RSU1: variants seen among roughly 807,000 people sequenced by gnomAD.
RSU1 encodes the protein rsu-1.
A neutral mutation model predicts 31.1 loss-of-function variants in RSU1; 26 were observed. That is an observed-to-expected ratio of 0.84 (90% CI 0.61 to 1.16). RSU1 has a LOEUF of 1.16. RSU1 is among the 50% of genes most tolerant of loss of function. The pLI is 0.00. For missense variants in RSU1, 320 were observed against 339.1 expected (o/e 0.94, Z 0.44); for synonymous variants, 164 against 136.3 (o/e 1.20, Z -1.41).
chr10:16,808,759 A>T (rs1037857347), intron 2 of RSU1, among the ~76,000 whole-genome samples: 16 of 152,198 alleles, frequency 1.1e-4, no homozygotes, highest in Admixed American at 3.3e-4. Flanking sequence ...CAAATACCTC[A>T]ACATGTGACT....
At chr10:16,699,943 C>A (rs117496736) in intron 7 of RSU1, among the ~76,000 whole-genome samples, 9 of 152,344 alleles carry the variant, frequency 5.9e-5, no homozygotes, top group Middle Eastern at 3.4e-3. Flanking sequence ...TCTAGTACAG[C>A]AAGCTTTGCC....
chr10:16,670,560 G>A (rs745887189), intron 8 of RSU1, among the ~76,000 whole-genome samples: 1 of 152,082 alleles, frequency 6.6e-6, no homozygotes, highest in Non-Finnish European at 1.5e-5. Context: ...GCCACAGGAA[G>A]GTAAGTTCTA....
At chr10:16,785,443 C>CATAT (rs1335727967) in intron 2 of RSU1, among the ~76,000 whole-genome samples, 1,897 of 137,926 alleles carry the variant, frequency 0.014, 95 homozygotes, top group East Asian at 0.054. Context: ...TATATATACA[C>CATAT]ATATATACAT....
At chr10:16,643,330 G>C (rs112077327) in intron 8 of RSU1, among the ~76,000 whole-genome samples, 1 of 152,134 alleles carries the variant, frequency 6.6e-6, no homozygotes, top group African/African-American at 2.4e-5. Flanking sequence ...TAGATACTTT[G>C]AAGATGTAAA....
intron 7 of RSU1, among the ~76,000 whole-genome samples, chr10:16,727,376 T>C (rs1836420731): frequency 2.0e-5 from 3 of 152,122 alleles, no homozygotes; most frequent in Admixed American, 1.3e-4. Context: ...TCTGGCAAAT[T>C]CACGACCACA....
chr10:16,686,483 G>C (rs1296446672), intron 8 of RSU1, among the ~76,000 whole-genome samples: 1 of 152,148 alleles, frequency 6.6e-6, no homozygotes, highest in Non-Finnish European at 1.5e-5. Context: ...GCTCAGAATA[G>C]CTCCTCTTGA....
chr10:16,732,621 T>C (rs1479438322), intron 7 of RSU1, among the ~76,000 whole-genome samples: 1 of 152,222 alleles, frequency 6.6e-6, no homozygotes, highest in Non-Finnish European at 1.5e-5. Context: ...GGTATTTTTG[T>C]TATAGCAGCC....
At chr10:16,679,869 GTT>G (rs71374699) in intron 8 of RSU1, among the ~76,000 whole-genome samples, 7,195 of 121,112 alleles carry the variant, frequency 0.059, 58 homozygotes, top group East Asian at 0.14. Context: ...AAAGACTCAA[GTT>G]TTTTTTTTTT....
At chr10:16,751,960 C>A (rs1373291343) in intron 7 of RSU1, among the ~76,000 whole-genome samples, 1 of 152,030 alleles carries the variant, frequency 6.6e-6, no homozygotes, top group Non-Finnish European at 1.5e-5. Context: ...GGCAGAGAAA[C>A]AGGATTAGGA....
At chr10:16,808,398 C>G (rs528257570) in intron 2 of RSU1, among the ~76,000 whole-genome samples, 1 of 148,664 alleles carries the variant, frequency 6.7e-6, no homozygotes, top group Admixed American at 6.8e-5. Flanking sequence ...GCAGGAGAAT[C>G]GCTGGAACCT....
chr10:16,610,414 A>C (rs1344518599), intron 8 of RSU1, among the ~76,000 whole-genome samples: 2 of 152,248 alleles, frequency 1.3e-5, no homozygotes, highest in Non-Finnish European at 2.9e-5. Context: ...ACGGGTGGCC[A>C]ACCCTTGGGC....
intron 8 of RSU1, among the ~76,000 whole-genome samples, chr10:16,673,665 C>G (rs199770237): frequency 2.6e-5 from 4 of 152,260 alleles, no homozygotes; most frequent in African/African-American, 7.2e-5. Flanking sequence ...TCTCAAATGA[C>G]GCAGGTGGAA....
At chr10:16,778,355 C>G (rs1837581219) in intron 3 of RSU1, among the ~76,000 whole-genome samples, 1 of 152,150 alleles carries the variant, frequency 6.6e-6, no homozygotes, top group Non-Finnish European at 1.5e-5. Flanking sequence ...CCCAATGTTC[C>G]CCACTTTCTC....
chr10:16,728,979 G>A (rs192948128), intron 7 of RSU1, among the ~76,000 whole-genome samples: 226 of 152,334 alleles, frequency 1.5e-3, no homozygotes, highest in African/African-American at 4.8e-3. Context: ...AGAAGCATAA[G>A]AGAATAAATC....
At chr10:16,773,364 A>G (rs1208645909) in intron 3 of RSU1, among the ~76,000 whole-genome samples, 1 of 152,150 alleles carries the variant, frequency 6.6e-6, no homozygotes, top group Admixed American at 6.5e-5. Context: ...AAATCCACCA[A>G]ATCCACATGG....
At chr10:16,801,770 A>G (rs561948399) in intron 2 of RSU1, among the ~76,000 whole-genome samples, 3 of 152,290 alleles carry the variant, frequency 2.0e-5, no homozygotes, top group East Asian at 1.9e-4. Context: ...CATTAACAAC[A>G]TATTTCTAAA....
chr10:16,721,446 A>G (rs1422205932), intron 7 of RSU1: 2 of 152,254 alleles, frequency 1.3e-5, no homozygotes, highest in Non-Finnish European at 2.9e-5. Flanking sequence ...GACAGCATGA[A>G]AGCCACAAGG....
chr10:16,668,572 A>G (rs1446167158), intron 8 of RSU1, among the ~76,000 whole-genome samples: 1 of 152,216 alleles, frequency 6.6e-6, no homozygotes, highest in East Asian at 1.9e-4. Flanking sequence ...ACATCATAAA[A>G]CATTTGAAAT....
chr10:16,757,103 ATGTGTGGGTGTGCGTGTGTG>A (rs1318952879), intron 4 of RSU1, among the ~76,000 whole-genome samples: 1 of 140,712 alleles, frequency 7.1e-6, no homozygotes, highest in African/African-American at 2.7e-5. Context: ...GCGTGTGGGT[ATGTGTGGGTGTGCGTGTGTG>A]TGTGTGGGCG....
Sources: gnomAD v4.1 joint callset for allele counts (sites outside exome capture counted in the v4.1 genomes callset) on GRCh38, gnomAD v4.1.1 for gene constraint, MANE v1.5 for transcripts, NCBI Gene and HGNC (gene_info 2026-07-23, HGNC 2026-07-21) for gene names.